Variants in ZNF469 observed in about 807,000 individuals in gnomAD.
ZNF469 encodes zinc finger protein 469.
A neutral mutation model predicts 1.0 loss-of-function variants in ZNF469; 1 was observed. That is an observed-to-expected ratio of 1.00 (90% CI 0.35 to 4.73). ZNF469 has a LOEUF of 4.73. Among genes scored for constraint, ZNF469 ranks in the 30% most tolerant of loss-of-function variants. ZNF469 has a pLI of 0.16. For synonymous variants in ZNF469, 2,703 were observed against 2,363.4 expected, an observed-to-expected ratio of 1.14 and a Z score of -4.17; for missense variants, 6,100 against 5,356.3, an observed-to-expected ratio of 1.14 and a Z score of -4.33.
chr16:88,165,999 AC>A, the ZNF469 span, among the ~76,000 whole-genome samples: 1 of 152,074 alleles, frequency 6.6e-6, no homozygotes, highest in Non-Finnish European at 1.5e-5. Flanking sequence ...ACCTTGCACA[AC>A]CCCAGAAGCG....
At chr16:88,161,513 G>A in the ZNF469 span, among the ~76,000 whole-genome samples, 6 of 152,220 alleles carry the variant, frequency 3.9e-5, no homozygotes, top group Non-Finnish European at 7.3e-5. Context: ...ATCTCAGTCA[G>A]TGCTTTCTGT....
chr16:88,143,908 C>T, the ZNF469 span, among the ~76,000 whole-genome samples: 11 of 152,196 alleles, frequency 7.2e-5, 1 homozygote, highest in South Asian at 2.1e-3. Context: ...TCCCTGTGTT[C>T]GCTGCCTTCC....
At chr16:88,139,374 G>A in the ZNF469 span, among the ~76,000 whole-genome samples, 2 of 151,838 alleles carry the variant, frequency 1.3e-5, no homozygotes, top group Admixed American at 6.6e-5. Flanking sequence ...TGTGAAAAGT[G>A]GATCCGAAAC....
At chr16:88,367,509 G>C in the ZNF469 span, among the ~76,000 whole-genome samples, 1 of 152,232 alleles carries the variant, frequency 6.6e-6, no homozygotes, top group Non-Finnish European at 1.5e-5. Flanking sequence ...CATTTGCCAT[G>C]ATAGCAGACA....
intron 1 of ZNF469, among the ~76,000 whole-genome samples, chr16:88,383,798 G>T (rs2092531347): frequency 6.6e-6 from 1 of 152,124 alleles, no homozygotes; most frequent in Non-Finnish European, 1.5e-5. Flanking sequence ...GGACGGGGGT[G>T]GGAGCTTTGG....
chr16:88,421,556 C>T (rs1008281632), intron 1 of ZNF469, among the ~76,000 whole-genome samples: 4 of 152,148 alleles, frequency 2.6e-5, no homozygotes, highest in African/African-American at 9.7e-5. Flanking sequence ...AGCTGGCCCT[C>T]GAGTGCCCTG....
the ZNF469 span, among the ~76,000 whole-genome samples, chr16:88,167,801 T>A: frequency 2.2e-4 from 34 of 152,360 alleles, no homozygotes; most frequent in African/African-American, 7.9e-4. Flanking sequence ...GCAGCTGTTG[T>A]GTAACAGAGG....
At chr16:88,305,632 A>G in the ZNF469 span, among the ~76,000 whole-genome samples, 1 of 150,932 alleles carries the variant, frequency 6.6e-6, no homozygotes, top group Non-Finnish European at 1.5e-5. Context: ...GTGCACACAC[A>G]TTCTCACAGG....
chr16:88,405,373 C>A (rs1373640861), intron 1 of ZNF469, among the ~76,000 whole-genome samples: 1 of 152,184 alleles, frequency 6.6e-6, no homozygotes, highest in African/African-American at 2.4e-5. Context: ...TGTTGGAAAC[C>A]AGAGGGGAGT....
At chr16:88,159,371 A>G in the ZNF469 span, among the ~76,000 whole-genome samples, 6 of 152,130 alleles carry the variant, frequency 3.9e-5, no homozygotes, top group Non-Finnish European at 5.9e-5. Context: ...AGCACCCCAG[A>G]GGAGCCGTCT....
the ZNF469 span, among the ~76,000 whole-genome samples, chr16:88,337,748 T>TC: frequency 1.3e-5 from 2 of 152,190 alleles, no homozygotes; most frequent in East Asian, 3.9e-4. Flanking sequence ...GACGCACGTT[T>TC]CCCTGGTGGC....
chr16:88,185,755 G>A, the ZNF469 span, among the ~76,000 whole-genome samples: 1 of 1,156 alleles, frequency 8.7e-4, no homozygotes, highest in Admixed American at 0.012. Context: ...CGTGTGCCCA[G>A]ACCCACAGAC....
the ZNF469 span, among the ~76,000 whole-genome samples, chr16:88,327,280 A>G: frequency 4.7e-4 from 72 of 151,922 alleles, 1 homozygote; most frequent in Middle Eastern, 0.01. Flanking sequence ...CTGCCTCTCC[A>G]TCCACTCAGC....
At chr16:88,101,223 C>A in the ZNF469 span, among the ~76,000 whole-genome samples, 10 of 152,198 alleles carry the variant, frequency 6.6e-5, no homozygotes, top group Admixed American at 6.5e-4. Context: ...AGGGGGTGCA[C>A]GCAGGGGAAC....
chr16:88,220,636 A>T, the ZNF469 span, among the ~76,000 whole-genome samples: 1 of 152,056 alleles, frequency 6.6e-6, no homozygotes, highest in Non-Finnish European at 1.5e-5. Context: ...TTATGGTCCC[A>T]TTTCACAGCT....
the ZNF469 span, among the ~76,000 whole-genome samples, chr16:88,244,647 G>A: frequency 2.7e-5 from 4 of 149,066 alleles, no homozygotes; most frequent in African/African-American, 7.6e-5. Flanking sequence ...GTTAGTAGAT[G>A]CATGAATGCA....
At chr16:88,217,355 G>A in the ZNF469 span, among the ~76,000 whole-genome samples, 1 of 152,150 alleles carries the variant, frequency 6.6e-6, no homozygotes, top group African/African-American at 2.4e-5. Context: ...AGTTTTCTAT[G>A]GAAAGCGTGA....
chr16:88,124,773 G>A, the ZNF469 span, among the ~76,000 whole-genome samples: 4 of 152,100 alleles, frequency 2.6e-5, no homozygotes, highest in South Asian at 6.2e-4. Context: ...TAGTAGAGAC[G>A]GGGTTTCTCC....
the ZNF469 span, among the ~76,000 whole-genome samples, chr16:88,276,748 T>C: frequency 6.6e-6 from 1 of 152,206 alleles, no homozygotes; most frequent in Non-Finnish European, 1.5e-5. Context: ...GTCAGGACCC[T>C]GTAGATGTCA....
Sources: allele counts gnomAD v4.1 joint callset (sites outside exome capture counted in the v4.1 genomes callset), GRCh38; gene constraint gnomAD v4.1.1; transcripts MANE v1.5; gene names NCBI Gene and HGNC (gene_info 2026-07-23, HGNC 2026-07-21).